The following TICRR variants were observed in gnomAD, a reference collection of about 807,000 sequenced individuals.
TICRR encodes the protein treslin.
Under a neutral mutation model 178.1 loss-of-function variants are expected in TICRR, and 132 were observed. The observed-to-expected ratio is 0.74, with a 90% CI of 0.64 to 0.86. The LOEUF (loss-of-function observed/expected upper bound fraction) is 0.86. TICRR is among the 40% of genes least tolerant of loss of function. The pLI is 0.00. For synonymous variants in TICRR, 991 were observed against 900.7 expected (o/e 1.10, Z -1.79); for missense variants, 2,587 against 2,334.3 (o/e 1.11, Z -2.23).
chr15:89,576,817 GTGTGTATATATATATATA>G (rs1567037952), intron 1 of TICRR, among the ~76,000 whole-genome samples: 207 of 11,140 alleles, frequency 0.019, 3 homozygotes, highest in Middle Eastern at 0.14. Context: ...GTGTATGTGT[GTGTGTATATATATATATA>G]TATATATATA....
At chr15:89,626,149 C>T (rs1596061745) in intron 21 of TICRR, 88 bp downstream of exon 21, 7 of 1,511,618 alleles carry the variant, frequency 4.6e-6, no homozygotes, top group Non-Finnish European at 6.3e-6. Flanking sequence ...TCTAGAGGAG[C>T]CCCAGGGAGT....
chr15:89,614,865 G>A (rs1963309467), intron 15 of TICRR, among the ~76,000 whole-genome samples: 1 of 152,184 alleles, frequency 6.6e-6, no homozygotes, highest in South Asian at 2.1e-4. Flanking sequence ...CCCCTACTGA[G>A]GGGCTCTGTG....
At chr15:89,602,757 C>T (rs1352436961) in intron 12 of TICRR, 39 bp from the exon 13 acceptor site, 2 of 994,512 alleles carry the variant, frequency 2.0e-6, no homozygotes, top group East Asian at 3.2e-5. Flanking sequence ...TATATATAAC[C>T]TCTATCTAGT....
chr15:89,625,803 AACCCAGTTTC>A lies in TICRR; in HGVS notation c.5476+18_5476+27del, dbSNP rs1323708968. 6.3e-7 allele frequency: 1 copy of A among 1,584,246 alleles called. No homozygotes were observed. Among genetic ancestry groups the A allele is most frequent in the Non-Finnish European group, 8.6e-7 (1 of 1,164,252 alleles). ...TTGTTTCCGGTGAGTTCGTTTTTGA[AACCCAGTTTC>A]CTCATGGTTTCTTTTGGTCAGAGTG... On this transcript the variant is annotated intron_variant, in intron 20 of 21. Transcript: ENST00000268138.
intron 7 of TICRR, among the ~76,000 whole-genome samples, chr15:89,598,958 C>T (rs528789063): frequency 6.6e-6 from 1 of 152,160 alleles, no homozygotes; most frequent in East Asian, 1.9e-4. Context: ...TTGTGGTGAG[C>T]CGAGATTGTG....
intron 7 of TICRR, among the ~76,000 whole-genome samples, chr15:89,596,186 T>C (rs1174779553): frequency 6.6e-6 from 1 of 152,212 alleles, no homozygotes; most frequent in Admixed American, 6.5e-5. Flanking sequence ...ATCTTTTCAA[T>C]AAATGATGCT....
intron 13 of TICRR, among the ~76,000 whole-genome samples, chr15:89,605,652 C>T (rs1286346305): frequency 6.6e-6 from 1 of 152,206 alleles, no homozygotes; most frequent in Non-Finnish European, 1.5e-5. Flanking sequence ...GCCTCTGCGC[C>T]CAGCCGGATG....
chr15:89,576,933 A>C (rs1276279017), intron 1 of TICRR, among the ~76,000 whole-genome samples: 1 of 150,656 alleles, frequency 6.6e-6, no homozygotes, highest in African/African-American at 2.4e-5. Flanking sequence ...TTTTTGAGAC[A>C]GTGTATGTCG....
intron 18 of TICRR, among the ~76,000 whole-genome samples, chr15:89,620,883 C>T (rs1386321265): frequency 6.6e-6 from 1 of 151,980 alleles, no homozygotes; most frequent in African/African-American, 2.4e-5. Flanking sequence ...CCACCACGCC[C>T]AGCTAAATTT....
chr15:89,618,846 C>G (rs897420482), intron 17 of TICRR, among the ~76,000 whole-genome samples: 1 of 152,202 alleles, frequency 6.6e-6, no homozygotes. Context: ...ATGGTCCCAG[C>G]TACTCGGGAG....
Position 89,618,176 on chromosome 15 carries a change from T to C in TICRR, c.2985T>C (p.Ile995=). Residue 995 remains isoleucine (I), a synonymous_variant, in exon 17 of 22, where the codon ATT becomes ATC. Transcript: ENST00000268138. ...GGTCCTCTGATCCTGGTCCTGATAT[T>C]GGTGTTGTTGAAGAGTCCCCTGAAA... ...KGRSSDPGPD[I]GVVEESPEKG... 6.2e-7 allele frequency: 1 copy of C among 1,614,196 alleles called. No homozygotes were observed. The highest frequency in any genetic ancestry group is 8.5e-7 in the Non-Finnish European group (1 of 1,180,026).
chr15:89,576,069 G>A lies in TICRR; in HGVS notation c.483G>A (p.Pro161=). The part of the protein sequence containing the change: ...VNAVFLLAPC[P]HSQRELLQFV... ...CCGTCTTCCTCCTGGCCCCCTGTCC[G>A]CACTCGCAGAGGGAGCTGCTGCAGT... The change falls in exon 1 of 22, where the codon CCG becomes CCA. Residue 161 remains proline, a synonymous_variant. Transcript: ENST00000268138. The A allele has an allele frequency of 6.2e-7, 1 of 1,611,746 alleles. No homozygotes were observed.
intron 7 of TICRR, among the ~76,000 whole-genome samples, chr15:89,596,766 T>C (rs1311209040): frequency 1.3e-5 from 2 of 152,256 alleles, no homozygotes; most frequent in South Asian, 2.1e-4. Context: ...GTTTACTCTC[T>C]CATATTACTT....
At position 89,601,280 on chromosome 15, in the gene TICRR, G is replaced by A. The variant is rs778245545; in HGVS notation, c.2154-18G>A. The A allele has an allele frequency of 1.2e-6, 2 of 1,611,400 alleles. No homozygotes were observed. Among genetic ancestry groups the A allele is most frequent in the Non-Finnish European group, 8.5e-7 (1 of 1,177,732 alleles). On this transcript the variant is annotated intron_variant, in intron 9 of 21. Coordinates refer to ENST00000268138, the MANE Select transcript of TICRR (RefSeq NM_152259.4). ...TGACATCCAAAGTAGATATGACCAA[G>A]TATTTTTTTCTCTCAAGGTGCCAGC...
intron 15 of TICRR, among the ~76,000 whole-genome samples, chr15:89,613,181 T>C (rs1596054224): frequency 1.3e-5 from 2 of 152,226 alleles, no homozygotes; most frequent in Admixed American, 1.3e-4. Context: ...CTCCTCATTT[T>C]TGAAGAATAC....
intron 2 of TICRR, 84 bp from the exon 3 acceptor site, chr15:89,584,202 T>C: frequency 7.7e-7 from 1 of 1,291,702 alleles, no homozygotes; most frequent in South Asian, 1.6e-5. Flanking sequence ...AATCTCTTTT[T>C]AGTATCTATT....
At chr15:89,618,888 G>T (rs1381284557) in intron 17 of TICRR, among the ~76,000 whole-genome samples, 2 of 152,254 alleles carry the variant, frequency 1.3e-5, no homozygotes, top group Non-Finnish European at 2.9e-5. Flanking sequence ...GAGCTCTGGA[G>T]TTCAAGGCTG....
chr15:89,576,872 C>T (rs1300287479), intron 1 of TICRR, among the ~76,000 whole-genome samples: 4 of 140,136 alleles, frequency 2.9e-5, no homozygotes, highest in East Asian at 2.1e-4. Context: ...CACACACACA[C>T]ATATATATAC....
intron 15 of TICRR, among the ~76,000 whole-genome samples, chr15:89,613,365 C>G (rs767075868): frequency 1.3e-5 from 2 of 152,090 alleles, no homozygotes; most frequent in Non-Finnish European, 2.9e-5. Flanking sequence ...CTTTTTTTCA[C>G]TTTTGATAGT....
Sources: allele counts gnomAD v4.1 joint callset (sites outside exome capture counted in the v4.1 genomes callset), GRCh38; gene constraint gnomAD v4.1.1; transcripts MANE v1.5; gene names NCBI Gene and HGNC (gene_info 2026-07-23, HGNC 2026-07-21).